CBX5: variants seen among roughly 807,000 people sequenced by gnomAD.
CBX5 encodes chromobox protein homolog 5.
Under a neutral mutation model 20.7 loss-of-function variants are expected in CBX5, and 7 were observed. The observed-to-expected ratio is 0.34, with a 90% confidence interval of 0.19 to 0.63. The LOEUF is 0.63. Ranked by LOEUF, CBX5 falls within the 30% of genes least tolerant of loss-of-function variation. The probability of loss-of-function intolerance (pLI) is 0.75; values close to 1 mark genes in which losing one functional copy is unlikely to be tolerated. For synonymous variants in CBX5, 78 were observed against 77.0 expected (o/e 1.01, Z -0.07); for missense variants, 110 against 224.1 (o/e 0.49, Z 3.25).
At chr12:54,263,172 C>G (rs1020896099) in intron 1 of CBX5, among the ~76,000 whole-genome samples, 1 of 151,992 alleles carries the variant, frequency 6.6e-6, no homozygotes, top group Non-Finnish European at 1.5e-5. Flanking sequence ...ACCAACCTGG[C>G]CAACATGGTG....
chr12:54,262,564 T>C (rs1173598146), intron 1 of CBX5: 2 of 152,876 alleles, frequency 1.3e-5, no homozygotes, highest in African/African-American at 4.8e-5. Context: ...GATGACGACA[T>C]AGTTCTGATG....
intron 3 of CBX5, among the ~76,000 whole-genome samples, chr12:54,249,772 A>G (rs977786201): frequency 6.6e-6 from 1 of 152,214 alleles, no homozygotes; most frequent in Admixed American, 6.5e-5. Context: ...TGAGAGCTAA[A>G]GATCAGAAGG....
intron 1 of CBX5, among the ~76,000 whole-genome samples, chr12:54,263,323 T>G (rs1031785680): frequency 2.0e-5 from 3 of 151,580 alleles, no homozygotes; most frequent in Middle Eastern, 3.4e-3. Context: ...ATCAAGCCAT[T>G]GCACTCCAGC....
chr12:54,271,000 G>A (rs755175629), intron 1 of CBX5, among the ~76,000 whole-genome samples: 111 of 152,266 alleles, frequency 7.3e-4, no homozygotes, highest in Admixed American at 4.5e-3. Context: ...TCAGGCTGCA[G>A]TGAGTTGATT....
rs1243000872 is a variant in CBX5, at chr12:54,232,430, CACA to C, written c.*9322_*9324del. On this transcript the variant is annotated 3_prime_UTR_variant, in exon 5 of 5. Transcript: ENST00000209875. ...CTATTAACTTTGATTTACAATGCCT[CACA>C]ACAACACCCCTGTGAGGTAGGTCAG... 2 of 152,168 alleles carry C rather than the reference CACA, an allele frequency of 1.3e-5. No homozygotes were observed. The highest frequency in any genetic ancestry group is 2.4e-5 in the African/African-American group (1 of 41,428). 9.4% of individuals were successfully genotyped at this position (152,168 alleles called of 1,614,324 possible).
At chr12:54,241,933 A>G (rs1256167437) in intron 4 of CBX5, 28 bp from the exon 5 acceptor site, 3 of 1,603,796 alleles carry the variant, frequency 1.9e-6, no homozygotes, top group Middle Eastern at 1.7e-4. Context: ...GAGACTTAAA[A>G]GGAGAGGAAG....
chr12:54,263,715 A>C (rs1943931869), intron 1 of CBX5, among the ~76,000 whole-genome samples: 1 of 145,432 alleles, frequency 6.9e-6, no homozygotes, highest in African/African-American at 2.5e-5. Context: ...GTGAGCTGAG[A>C]TCGCGCCACT....
In CBX5 at chr12:54,275,583, A is replaced by T. The variant is rs567493579; in HGVS notation, c.-43+4425T>A. ...TAAGCACAAGCGTTATAACTTCTGT[A>T]ATTAGAGGCCCAACACGTATCACAT... On this transcript the variant is annotated intron_variant, in intron 1 of 4. Coordinates refer to ENST00000209875, the MANE Select transcript of CBX5 (RefSeq NM_012117.3). Among the ~76,000 whole-genome samples the T allele has an allele frequency of 5.3e-5, 8 of 152,206 alleles. No homozygotes were observed. In the South Asian group the frequency reaches 1.7e-3, roughly 32 times the overall value.
In CBX5 at chr12:54,271,474, C is replaced by T. The variant is rs148208894; in HGVS notation, c.-43+8534G>A. Among the ~76,000 whole-genome samples, 1,502 of 152,188 alleles carry T rather than the reference C, an allele frequency of 9.9e-3. 23 individuals carry two copies. Among genetic ancestry groups the T allele is most frequent in the African/African-American group, 0.034 (1,412 of 41,526 alleles). On this transcript the variant is annotated intron_variant, in intron 1 of 4. Coordinates refer to ENST00000209875, the MANE Select transcript of CBX5 (RefSeq NM_012117.3). ...CCAAGTAGCTGGGATTACAGGCGCACGCCACCATGCCCAGATAATTTTTGT... is the reference window on the plus strand; with the variant it reads ...CCAAGTAGCTGGGATTACAGGCGCATGCCACCATGCCCAGATAATTTTTGT...
intron 1 of CBX5, among the ~76,000 whole-genome samples, chr12:54,277,451 C>T (rs1375645418): frequency 6.6e-6 from 1 of 152,100 alleles, no homozygotes. Flanking sequence ...GTGATCCACC[C>T]GCCTCGGCCT....
At chr12:54,256,091 C>G (rs1002016072) in intron 2 of CBX5, among the ~76,000 whole-genome samples, 1 of 152,206 alleles carries the variant, frequency 6.6e-6, no homozygotes, top group African/African-American at 2.4e-5. Flanking sequence ...ACCTTTTCCC[C>G]TTTCATCTAT....
chr12:54,252,352 G>A (rs1350306040), intron 2 of CBX5, 125 bp from the exon 3 acceptor site: 34 of 450,648 alleles, frequency 7.5e-5, no homozygotes, highest in South Asian at 1.8e-4. Context: ...ATGCTTTAAA[G>A]AAGATAACAA....
Position 54,272,041 on chromosome 12 carries a change from C to T in CBX5, c.-43+7967G>A, listed in dbSNP as rs1051456109. On this transcript the variant is annotated intron_variant, in intron 1 of 4. Coordinates refer to ENST00000209875, the MANE Select transcript of CBX5 (RefSeq NM_012117.3). ...GTTGCACAGATTTAGGGATGAGAAACGAGGCACAGAGAGTTCAAGGATTTG... is the reference window on the plus strand; with the variant it reads ...GTTGCACAGATTTAGGGATGAGAAATGAGGCACAGAGAGTTCAAGGATTTG... 9.2e-5 allele frequency: 14 copies of T among 152,238 alleles called. No individual in the cohort carries two copies. The South Asian group carries it at 2.1e-3, about 23-fold the overall frequency. The allele number at this position is 152,238 out of a possible 1,614,324, so 9.4% of individuals were successfully genotyped here.
chr12:54,277,497 G>A (rs1417732653), intron 1 of CBX5, among the ~76,000 whole-genome samples: 3 of 150,550 alleles, frequency 2.0e-5, no homozygotes, highest in East Asian at 3.9e-4. Flanking sequence ...GAGCCACCAC[G>A]CTCAGCCCAA....
chr12:54,254,063 T>C (rs1943838987), intron 2 of CBX5, among the ~76,000 whole-genome samples: 1 of 152,078 alleles, frequency 6.6e-6, no homozygotes, highest in Non-Finnish European at 1.5e-5. Flanking sequence ...AATTGTACAA[T>C]TTCAATGGGT....
intron 3 of CBX5, among the ~76,000 whole-genome samples, chr12:54,247,642 C>T (rs990223517): frequency 5.3e-5 from 8 of 152,102 alleles, no homozygotes; most frequent in Non-Finnish European, 1.0e-4. Context: ...TGTAGTAACA[C>T]TGATGAGAGC....
intron 1 of CBX5, among the ~76,000 whole-genome samples, chr12:54,260,470 G>A (rs1355358797): frequency 4.6e-5 from 7 of 151,712 alleles, no homozygotes; most frequent in Non-Finnish European, 1.5e-5. Context: ...CTCCAGCCTG[G>A]GCGACAAGAG....
chr12:54,241,656 T>C lies in CBX5; in HGVS notation c.*99A>G. On this transcript the variant is annotated 3_prime_UTR_variant, in exon 5 of 5. Transcript: ENST00000209875. ...AGCACAGTGATAAGCACATTTTTTA[T>C]GGATGTGTTTAGGATAGAAAGGGGT... is the stretch of plus-strand genomic sequence containing the variant. 1.8e-6 allele frequency: 2 copies of C among 1,126,954 alleles called. No individual in the cohort carries two copies. 69.8% of individuals were successfully genotyped at this position (1,126,954 alleles called of 1,614,324 possible). A position where few individuals can be genotyped will look rare whatever the true frequency, so the allele number is the denominator to read the frequency against.
rs73321051 is a variant in CBX5 at position 54,256,719 on chromosome 12, T to C, written c.137+795A>G. Among the ~76,000 whole-genome samples, 294 of 152,284 alleles carry C rather than the reference T, an allele frequency of 1.9e-3. 1 individual carries two copies. The highest frequency in any genetic ancestry group is 6.8e-3 in the African/African-American group (283 of 41,558). On this transcript the variant is annotated intron_variant, in intron 2 of 4. Coordinates refer to ENST00000209875, the MANE Select transcript of CBX5 (RefSeq NM_012117.3). ...ACTTTTGTACTGATTAACGCTGAAA[T>C]AGTATTTTTCACGTATTAGGTTAAA...
Sources: allele counts gnomAD v4.1 joint callset (sites outside exome capture counted in the v4.1 genomes callset), GRCh38; gene constraint gnomAD v4.1.1; transcripts MANE v1.5; gene names NCBI Gene and HGNC (gene_info 2026-07-23, HGNC 2026-07-21).